CAST: variants seen among roughly 807,000 people sequenced by gnomAD.
CAST encodes calpastatin.
In CAST, 76 loss-of-function variants were observed where a neutral mutation model predicts 119.6. That is an observed-to-expected ratio of 0.64 (90% CI 0.53 to 0.77). CAST has a LOEUF of 0.77. CAST is among the 30% of genes least tolerant of loss of function. CAST has a pLI of 0.00. For synonymous variants in CAST, 319 were observed against 331.6 expected, an observed-to-expected ratio of 0.96 and a Z score of 0.41; for missense variants, 953 against 946.5, an observed-to-expected ratio of 1.01 and a Z score of -0.09.
At chr5:96,107,584 G>T in the CAST span, among the ~76,000 whole-genome samples, 1 of 152,016 alleles carries the variant, frequency 6.6e-6, no homozygotes, top group East Asian at 1.9e-4. Context: ...AGTTTCTGCC[G>T]AGAGATCCGC....
the CAST span, among the ~76,000 whole-genome samples, chr5:96,289,634 C>A: frequency 6.6e-6 from 1 of 152,114 alleles, no homozygotes; most frequent in East Asian, 1.9e-4. Context: ...TCAATTAAGC[C>A]TCTTTTCTTT....
At chr5:96,662,221 C>A, upstream of CAST, 1 of 548,622 alleles carries the variant, frequency 1.8e-6, no homozygotes, top group East Asian at 3.8e-5. Context: ...GGTCCCTCCG[C>A]GGGCAGGAAG....
At chr5:95,967,398 T>C in the CAST span, among the ~76,000 whole-genome samples, 1 of 139,454 alleles carries the variant, frequency 7.2e-6, no homozygotes. Flanking sequence ...GCCCAGACAA[T>C]GTAGTGAGAC....
intron 10 of CAST, 28 bp from the exon 11 acceptor site, chr5:96,737,821 A>G: frequency 7.8e-7 from 1 of 1,286,250 alleles, no homozygotes; most frequent in South Asian, 1.2e-5. Flanking sequence ...AACAAATAAC[A>G]TTTAAATATC....
intron 1 of CAST, among the ~76,000 whole-genome samples, chr5:96,538,337 A>C (rs1745855467): frequency 6.6e-6 from 1 of 152,200 alleles, no homozygotes; most frequent in South Asian, 2.1e-4. Flanking sequence ...CAATATGTGG[A>C]TATGATCCTT....
intron 20 of CAST, among the ~76,000 whole-genome samples, chr5:96,752,931 A>G (rs1379373348): frequency 6.6e-6 from 1 of 150,390 alleles, no homozygotes; most frequent in African/African-American, 2.4e-5. Flanking sequence ...AAAGAATAGT[A>G]TTTATCCCTT....
intron 1 of CAST, among the ~76,000 whole-genome samples, chr5:96,570,917 T>A (rs1311957749): frequency 6.6e-6 from 1 of 152,218 alleles, no homozygotes. Context: ...TTCCTCTGAC[T>A]TTTTATTGGC....
At chr5:96,265,172 T>C in the CAST span, among the ~76,000 whole-genome samples, 1 of 152,172 alleles carries the variant, frequency 6.6e-6, no homozygotes, top group Non-Finnish European at 1.5e-5. Flanking sequence ...TCTCTCCACT[T>C]GGCCTTTCAC....
chr5:96,079,121 T>C, the CAST span: 1 of 473,954 alleles, frequency 2.1e-6, no homozygotes, highest in Admixed American at 2.3e-5. Context: ...ATAGGAAGGC[T>C]GTTCTTTACA....
chr5:95,969,661 G>A, the CAST span, among the ~76,000 whole-genome samples: 2 of 152,124 alleles, frequency 1.3e-5, no homozygotes, highest in Non-Finnish European at 2.9e-5. Context: ...AGCTTTATTT[G>A]AGTATGAGAG....
the CAST span, among the ~76,000 whole-genome samples, chr5:96,349,139 A>ATTTTTTTTTTTTTT: frequency 8.9e-3 from 795 of 89,484 alleles, 67 homozygotes; most frequent in Non-Finnish European, 0.014. Context: ...CAAGGACACT[A>ATTTTTTTTTTTTTT]TTTTTTTTTT....
intron 1 of CAST, among the ~76,000 whole-genome samples, chr5:96,611,669 G>T (rs1052782899): frequency 6.6e-6 from 1 of 152,028 alleles, no homozygotes; most frequent in African/African-American, 2.4e-5. Context: ...TAAGGAGACA[G>T]CCTACAAAAT....
At chr5:96,648,263 T>C (rs1748044953) in intron 1 of CAST, among the ~76,000 whole-genome samples, 1 of 152,228 alleles carries the variant, frequency 6.6e-6, no homozygotes, top group African/African-American at 2.4e-5. Flanking sequence ...AGAACTTGTC[T>C]GCAGATTCAC....
the CAST span, among the ~76,000 whole-genome samples, chr5:96,332,692 A>T: frequency 8.5e-5 from 13 of 152,198 alleles, 1 homozygote; most frequent in African/African-American, 3.1e-4. Context: ...AGTCAGGGGG[A>T]GGATAATGAA....
chr5:96,714,176 C>A (rs1247186245), intron 3 of CAST, among the ~76,000 whole-genome samples: 1 of 152,084 alleles, frequency 6.6e-6, no homozygotes, highest in Non-Finnish European at 1.5e-5. Context: ...AAGTAGGTAT[C>A]TTTTTTTATA....
intron 10 of CAST, 44 bp from the exon 11 acceptor site, chr5:96,737,805 A>G: frequency 8.9e-7 from 1 of 1,125,474 alleles, no homozygotes; most frequent in South Asian, 1.3e-5. Flanking sequence ...AAGGTGAAAT[A>G]TGTATAACAA....
At chr5:96,552,992 C>T (rs954898085) in intron 1 of CAST, among the ~76,000 whole-genome samples, 3 of 152,156 alleles carry the variant, frequency 2.0e-5, no homozygotes, top group Admixed American at 6.5e-5. Flanking sequence ...CAAAGAGGAG[C>T]TGGTATCATT....
chr5:96,475,329 C>CT, the CAST span, among the ~76,000 whole-genome samples: 1 of 152,200 alleles, frequency 6.6e-6, no homozygotes, highest in Admixed American at 6.5e-5. Context: ...TACCATGGTA[C>CT]TTTTCTCCCT....
chr5:96,072,211 G>A, the CAST span, among the ~76,000 whole-genome samples: 1 of 106,672 alleles, frequency 9.4e-6, no homozygotes, highest in East Asian at 2.5e-4. Flanking sequence ...AGCCTTGGTA[G>A]TTATATTGTT....
Sources: gnomAD v4.1 joint callset for allele counts (sites outside exome capture counted in the v4.1 genomes callset) on GRCh38, gnomAD v4.1.1 for gene constraint, MANE v1.5 for transcripts, NCBI Gene and HGNC (gene_info 2026-07-23, HGNC 2026-07-21) for gene names.